The following FUT8 variants were observed in gnomAD, a reference collection of about 807,000 sequenced individuals.
The protein encoded by FUT8 is fucosyltransferase 8.
Under a neutral mutation model 71.3 loss-of-function variants are expected in FUT8, and 29 were observed. That is an observed-to-expected ratio of 0.41 (90% CI 0.30 to 0.55). FUT8 has a LOEUF of 0.55. Among genes scored for constraint, FUT8 ranks in the 20% least tolerant of loss-of-function variants. The probability of loss-of-function intolerance (pLI) is 0.34; values close to 1 mark genes in which losing one functional copy is unlikely to be tolerated. For synonymous variants in FUT8, 254 were observed against 239.3 expected (o/e 1.06, Z -0.57); for missense variants, 544 against 702.1 (o/e 0.77, Z 2.55).
chr14:65,460,156 A>T (rs984306952), intron 2 of FUT8, among the ~76,000 whole-genome samples: 1 of 152,196 alleles, frequency 6.6e-6, no homozygotes, highest in African/African-American at 2.4e-5. Flanking sequence ...GTCTTTTAGG[A>T]CAAAGGAAAT....
chr14:65,618,031 A>ATGTATG (rs1889384613), intron 5 of FUT8, among the ~76,000 whole-genome samples: 4 of 90,396 alleles, frequency 4.4e-5, no homozygotes, highest in Admixed American at 4.0e-4. Context: ...ATATATATAT[A>ATGTATG]TATATATATA....
At chr14:65,667,762 G>A (rs571384921) in intron 6 of FUT8, among the ~76,000 whole-genome samples, 102 of 152,170 alleles carry the variant, frequency 6.7e-4, no homozygotes, top group African/African-American at 2.0e-3. Context: ...CGCATTACCC[G>A]AATTCAAACT....
intron 6 of FUT8, among the ~76,000 whole-genome samples, chr14:65,633,900 G>C (rs1200519951): frequency 1.3e-5 from 2 of 151,918 alleles, no homozygotes; most frequent in East Asian, 3.9e-4. Context: ...GGAGGTGGGG[G>C]TCAGCCCCCG....
intron 2 of FUT8, among the ~76,000 whole-genome samples, chr14:65,521,694 T>A (rs571687480): frequency 3.3e-5 from 5 of 152,356 alleles, no homozygotes; most frequent in Non-Finnish European, 7.3e-5. Context: ...GTCTTATATG[T>A]TAAAAAAATA....
Position 65,627,524 on chromosome 14 carries a change from G to A in FUT8, c.483-1968G>A, listed in dbSNP as rs146532164. ...GGCCTGTATATATTGCTATGGTTCC[G>A]GGGTTTGCATTTCTTCTTACCTGAT... On this transcript the variant is annotated intron_variant, in intron 5 of 10. Transcript: ENST00000673929. The surrounding 1 kb of genome is among the most constrained non-coding windows in gnomAD (Gnocchi z 4.0). Among the ~76,000 whole-genome samples, 5 of 152,320 alleles carry A rather than the reference G, an allele frequency of 3.3e-5. No individual in the cohort carries two copies. Among genetic ancestry groups the A allele is most frequent in the East Asian group, 1.9e-4 (1 of 5,186 alleles).
chr14:65,730,133 A>G (rs1307364812), intron 9 of FUT8, among the ~76,000 whole-genome samples: 1 of 152,228 alleles, frequency 6.6e-6, no homozygotes, highest in African/African-American at 2.4e-5. Flanking sequence ...AGTATATAGT[A>G]TCCAAGGTAA....
chr14:65,561,691 T>G lies in FUT8; in HGVS notation c.128T>G (p.Leu43Arg). The G allele has an allele frequency of 6.2e-7, 1 of 1,613,616 alleles. No individual in the cohort carries two copies. The highest frequency in any genetic ancestry group is 8.5e-7 in the Non-Finnish European group (1 of 1,179,638). Residue 43 changes from leucine (L) to arginine (R), a missense_variant, in exon 3 of 11, where the codon CTG (leucine) becomes CGG (arginine). By Grantham distance (102) the Leu-to-Arg change is moderately radical. Transcript: ENST00000673929. The part of the protein sequence containing the change: ...NDHPDHSSRE[L>R]SKILAKLERL... ...CATCCTGATCACTCTAGCCGAGAAC[T>G]GTCCAAGATTCTGGCAAAGCTTGAA...
At chr14:65,363,449 G>T in the FUT8 span, among the ~76,000 whole-genome samples, 1 of 152,108 alleles carries the variant, frequency 6.6e-6, no homozygotes, top group Non-Finnish European at 1.5e-5. Flanking sequence ...TAGAGACAGG[G>T]TTTCACCATG....
At chr14:65,598,274 G>GTTGCCCGGGC (rs1888101519) in intron 3 of FUT8, among the ~76,000 whole-genome samples, 2 of 151,964 alleles carry the variant, frequency 1.3e-5, no homozygotes, top group African/African-American at 4.8e-5. Context: ...CCGGGCTGGA[G>GTTGCCCGGGC]TGTAGTGGCG....
chr14:65,611,940 C>T (rs955350732), intron 3 of FUT8, among the ~76,000 whole-genome samples: 1 of 152,200 alleles, frequency 6.6e-6, no homozygotes, highest in African/African-American at 2.4e-5. Context: ...GGATTACAGG[C>T]GTGAGCCACC....
the FUT8 span, among the ~76,000 whole-genome samples, chr14:65,401,676 T>A: frequency 6.6e-6 from 1 of 152,062 alleles, no homozygotes; most frequent in Non-Finnish European, 1.5e-5. Context: ...GGTGGGCAGA[T>A]CACTTGAGGC....
chr14:65,643,639 G>T lies in FUT8; in HGVS notation c.597+14033G>T, dbSNP rs1217205476. Among the ~76,000 whole-genome samples, 1 of 144,700 alleles carries T rather than the reference G, an allele frequency of 6.9e-6. No individual in the cohort carries two copies. Among genetic ancestry groups the T allele is most frequent in the Non-Finnish European group, 1.5e-5 (1 of 65,832 alleles). The allele number at this position is 144,700 out of a possible 152,430, so 94.9% of individuals were successfully genotyped here. A position where few individuals can be genotyped will look rare whatever the true frequency, so the allele number is the denominator to read the frequency against. On this transcript the variant is annotated intron_variant, in intron 6 of 10. Transcript: ENST00000673929. The surrounding 1 kb of genome is among the most constrained non-coding windows in gnomAD (Gnocchi z 4.5). Reference sequence around the variant, plus strand: ...ACTGCACTGCAGCCTGGGCGACAGAGCGAGACTCCGTCTTTAAAAAAAAAA... The same window carrying T: ...ACTGCACTGCAGCCTGGGCGACAGATCGAGACTCCGTCTTTAAAAAAAAAA...
At chr14:65,714,268 A>G (rs948304981) in intron 7 of FUT8, among the ~76,000 whole-genome samples, 3 of 152,054 alleles carry the variant, frequency 2.0e-5, no homozygotes, top group East Asian at 3.8e-4. Flanking sequence ...TTTGGTTACT[A>G]TAGCTCCACG....
chr14:65,424,607 G>A (rs2065355444), intron 1 of FUT8, among the ~76,000 whole-genome samples: 1 of 143,724 alleles, frequency 7.0e-6, no homozygotes, highest in Admixed American at 7.1e-5. Flanking sequence ...GCACGATCTC[G>A]GCTCACTGCA....
chr14:65,521,502 GA>G (rs909514149), intron 2 of FUT8, among the ~76,000 whole-genome samples: 5 of 152,138 alleles, frequency 3.3e-5, no homozygotes, highest in African/African-American at 1.2e-4. Context: ...TTTTTATATA[GA>G]ATGGTCAGGG....
At chr14:65,542,739 G>T (rs961221012) in intron 2 of FUT8, among the ~76,000 whole-genome samples, 1 of 152,172 alleles carries the variant, frequency 6.6e-6, no homozygotes, top group Non-Finnish European at 1.5e-5. Flanking sequence ...TCCCTGGAAA[G>T]ATTGTTAATG....
At chr14:65,365,812 A>G in the FUT8 span, among the ~76,000 whole-genome samples, 8,683 of 152,034 alleles carry the variant, frequency 0.057, 299 homozygotes, top group Admixed American at 0.11. Flanking sequence ...CTGCCTATGG[A>G]GTAGCATTCT....
At chr14:65,609,240 A>G (rs1171741949) in intron 3 of FUT8, among the ~76,000 whole-genome samples, 1 of 151,252 alleles carries the variant, frequency 6.6e-6, no homozygotes, top group Non-Finnish European at 1.5e-5. Context: ...GGTTGCAGTG[A>G]GCCAGGATCG....
intron 7 of FUT8, among the ~76,000 whole-genome samples, chr14:65,699,181 C>T (rs1013835053): frequency 1.1e-4 from 17 of 150,282 alleles, no homozygotes; most frequent in African/African-American, 4.0e-4. Flanking sequence ...CACACACACA[C>T]ACACACACAC....
Sources: gnomAD v4.1 joint callset for allele counts (sites outside exome capture counted in the v4.1 genomes callset) on GRCh38, gnomAD v4.1.1 for gene constraint, Gnocchi (gnomAD v3.1) non-coding constraint, MANE v1.5 for transcripts, NCBI Gene and HGNC (gene_info 2026-07-23, HGNC 2026-07-21) for gene names.